CADPS2: variants seen among roughly 807,000 people sequenced by gnomAD.
CADPS2 encodes the protein calcium dependent secretion activator 2.
CADPS2 carries 93 observed loss-of-function variants against 172.5 expected under a neutral mutation model. The observed-to-expected ratio is 0.54, with a 90% confidence interval of 0.46 to 0.64. CADPS2 has a LOEUF of 0.64. Ranked by LOEUF, CADPS2 falls within the 30% of genes least tolerant of loss-of-function variation. The pLI is 0.00. For synonymous variants in CADPS2, 546 were observed against 555.2 expected (o/e 0.98, Z 0.23); for missense variants, 1,420 against 1,565.9 (o/e 0.91, Z 1.57).
At chr7:122,632,311 G>T (rs1391451802) in intron 3 of CADPS2, among the ~76,000 whole-genome samples, 2 of 152,066 alleles carry the variant, frequency 1.3e-5, no homozygotes, top group Non-Finnish European at 2.9e-5. Context: ...AAGTAATTTG[G>T]ATTACCACCC....
intron 1 of CADPS2, among the ~76,000 whole-genome samples, chr7:122,816,975 C>T (rs543151552): frequency 1.3e-4 from 20 of 151,438 alleles, no homozygotes; most frequent in African/African-American, 3.4e-4. Context: ...GAACACCTTG[C>T]GACCCCCACT....
At chr7:122,859,740 T>C (rs764533698) in intron 1 of CADPS2, among the ~76,000 whole-genome samples, 61 of 152,258 alleles carry the variant, frequency 4.0e-4, no homozygotes, top group Non-Finnish European at 4.1e-4. Flanking sequence ...TTCTCCTGTA[T>C]ACTTTAAATC....
intron 3 of CADPS2, among the ~76,000 whole-genome samples, chr7:122,645,052 C>G (rs1017516220): frequency 6.6e-6 from 1 of 151,540 alleles, no homozygotes; most frequent in African/African-American, 2.4e-5. Context: ...ATAAAATTAC[C>G]CTATGTGAAC....
At chr7:122,635,097 G>A (rs1443213778) in intron 3 of CADPS2, among the ~76,000 whole-genome samples, 2 of 152,086 alleles carry the variant, frequency 1.3e-5, no homozygotes, top group Non-Finnish European at 2.9e-5. Context: ...TATGTTCTGT[G>A]TGCAGATGAG....
In CADPS2 at chr7:122,388,680, CA is replaced by C; in HGVS notation, c.3066del (p.Phe1022LeufsTer16). 6.2e-7 allele frequency: 1 copy of C among 1,610,544 alleles called. No homozygotes were observed. Among genetic ancestry groups the C allele is most frequent in the Non-Finnish European group, 8.5e-7 (1 of 1,177,906 alleles). ...LFWKLDALQM[F>X]VFDLHWPEQE... ...TGTTCTGGCCAGTGCAGATCAAAGA[CA>C]AACATTTGCAGTGCATCAAGCTTCC... On this transcript the variant is annotated frameshift_variant, in exon 23 of 30. Transcript: ENST00000449022. LOFTEE classifies it high-confidence loss of function.
chr7:122,334,128 T>C (rs1244396669), intron 28 of CADPS2, among the ~76,000 whole-genome samples: 1 of 152,196 alleles, frequency 6.6e-6, no homozygotes, highest in African/African-American at 2.4e-5. Flanking sequence ...AATTTTATTT[T>C]AGGTGATGAA....
chr7:122,610,932 G>A (rs937218302), intron 6 of CADPS2, among the ~76,000 whole-genome samples: 4 of 152,112 alleles, frequency 2.6e-5, no homozygotes, highest in Non-Finnish European at 5.9e-5. Flanking sequence ...CCTGGGGCTT[G>A]TATTCCCTGC....
rs764436416 is a variant in CADPS2, at chr7:122,393,632, A to G, written c.2747-50T>C. On this transcript the variant is annotated intron_variant, in intron 20 of 29. Coordinates refer to ENST00000449022, the MANE Select transcript of CADPS2 (RefSeq NM_017954.11). ...GTTTGTCAGAGGGATAATATCAGACATTTGGAAAATATGGGCCAAAAAAAC... is the reference window on the plus strand; with the variant it reads ...GTTTGTCAGAGGGATAATATCAGACGTTTGGAAAATATGGGCCAAAAAAAC... 1.7e-5 allele frequency: 28 copies of G among 1,605,784 alleles called. No individual in the cohort carries two copies. In the East Asian group the frequency reaches 5.8e-4, roughly 33 times the overall value.
At chr7:122,594,016 A>T (rs188517363) in intron 6 of CADPS2, among the ~76,000 whole-genome samples, 148 of 152,230 alleles carry the variant, frequency 9.7e-4, no homozygotes, top group African/African-American at 3.4e-3. Flanking sequence ...TTAATAGAAG[A>T]ACTAGACAAT....
chr7:122,653,849 T>C (rs962739002), intron 3 of CADPS2, among the ~76,000 whole-genome samples: 1 of 152,144 alleles, frequency 6.6e-6, no homozygotes, highest in Non-Finnish European at 1.5e-5. Flanking sequence ...TCAATAAATG[T>C]TATGTGTGTT....
intron 8 of CADPS2, among the ~76,000 whole-genome samples, chr7:122,533,809 G>C (rs2131383537): frequency 6.6e-6 from 1 of 152,166 alleles, no homozygotes; most frequent in East Asian, 1.9e-4. Flanking sequence ...TTGTTTTCAA[G>C]TATCTGCCTA....
chr7:122,489,305 A>G (rs1355188391), intron 11 of CADPS2, among the ~76,000 whole-genome samples: 1 of 152,176 alleles, frequency 6.6e-6, no homozygotes, highest in East Asian at 1.9e-4. Context: ...GAAGAAAATA[A>G]TGCATGTCAA....
intron 1 of CADPS2, among the ~76,000 whole-genome samples, chr7:122,854,064 G>C (rs1814490976): frequency 6.6e-6 from 1 of 152,182 alleles, no homozygotes; most frequent in South Asian, 2.1e-4. Flanking sequence ...GGAGCTGCCA[G>C]AAATGAAGGT....
intron 13 of CADPS2, 120 bp downstream of exon 13, chr7:122,474,261 G>A: frequency 9.4e-7 from 1 of 1,068,046 alleles, no homozygotes; most frequent in South Asian, 1.6e-5. Context: ...AAATGAGTCA[G>A]GAATAAAATG....
At chr7:122,740,948 G>C (rs183315137) in intron 1 of CADPS2, among the ~76,000 whole-genome samples, 1 of 152,166 alleles carries the variant, frequency 6.6e-6, no homozygotes, top group East Asian at 1.9e-4. Context: ...CATTTTAAAG[G>C]TACATATCCT....
intron 3 of CADPS2, among the ~76,000 whole-genome samples, chr7:122,644,626 G>A (rs1234051552): frequency 1.3e-5 from 2 of 152,092 alleles, no homozygotes; most frequent in African/African-American, 2.4e-5. Flanking sequence ...TCCCCTCTGT[G>A]TTGACCCATT....
chr7:122,842,876 C>A (rs1343963700), intron 1 of CADPS2, among the ~76,000 whole-genome samples: 2 of 152,066 alleles, frequency 1.3e-5, no homozygotes, highest in African/African-American at 4.8e-5. Flanking sequence ...AGGTTGAGGA[C>A]AACATGATTT....
At chr7:122,349,062 G>C (rs781474608) in intron 27 of CADPS2, among the ~76,000 whole-genome samples, 3 of 146,382 alleles carry the variant, frequency 2.0e-5, no homozygotes, top group Non-Finnish European at 4.5e-5. Flanking sequence ...TAATAACTAA[G>C]TATGCTAGTA....
intron 1 of CADPS2, among the ~76,000 whole-genome samples, chr7:122,833,458 C>A (rs962260959): frequency 1.3e-5 from 2 of 152,136 alleles, no homozygotes; most frequent in Non-Finnish European, 2.9e-5. Context: ...TCGAGCAATT[C>A]TCTTGCCTCA....
Sources: gnomAD v4.1 joint callset for allele counts (sites outside exome capture counted in the v4.1 genomes callset) on GRCh38, gnomAD v4.1.1 for gene constraint, MANE v1.5 for transcripts, NCBI Gene and HGNC (gene_info 2026-07-23, HGNC 2026-07-21) for gene names.